Variants in RGS6 observed in about 807,000 individuals in gnomAD.
The protein encoded by RGS6 is regulator of G-protein signaling 6.
A neutral mutation model predicts 78.5 loss-of-function variants in RGS6; 30 were observed. That is an observed-to-expected ratio of 0.38 (90% confidence interval 0.29 to 0.52). The LOEUF (loss-of-function observed/expected upper bound fraction) is 0.52, where lower values mean the gene tolerates loss of function less well. RGS6 is among the 20% of genes least tolerant of loss of function. RGS6 has a pLI of 0.85. For synonymous variants in RGS6, 206 were observed against 206.0 expected (o/e 1.00, Z 0.00); for missense variants, 495 against 609.7 (o/e 0.81, Z 1.98).
intron 1 of RGS6, among the ~76,000 whole-genome samples, chr14:71,955,595 C>A (rs1441433157): frequency 2.0e-5 from 3 of 152,096 alleles, no homozygotes; most frequent in Admixed American, 1.3e-4. Flanking sequence ...GGGTAACTTC[C>A]TGATGTTGCC....
chr14:72,236,888 A>T (rs2051214523), intron 2 of RGS6, among the ~76,000 whole-genome samples: 1 of 152,210 alleles, frequency 6.6e-6, no homozygotes, highest in South Asian at 2.1e-4. Context: ...GCGGCCGGGC[A>T]AAGGTGCTCC....
At chr14:72,000,016 A>T (rs775653396) in intron 2 of RGS6, among the ~76,000 whole-genome samples, 1 of 152,182 alleles carries the variant, frequency 6.6e-6, no homozygotes, top group Non-Finnish European at 1.5e-5. Context: ...GTGACCTTCT[A>T]TGGTGTTAGT....
At chr14:71,969,688 A>G (rs1402624189) in intron 2 of RGS6, among the ~76,000 whole-genome samples, 4 of 152,200 alleles carry the variant, frequency 2.6e-5, no homozygotes, top group African/African-American at 9.6e-5. Context: ...TTCAGTGTCC[A>G]TGTAAAGTAG....
At position 72,119,834 on chromosome 14, in the gene RGS6, T is replaced by C. The variant is rs1407171875; in HGVS notation, c.84+154959T>C. ...ATCCTAATGGGCTTAGGAAGATTTCTAGAAGGATAGGGATTCCAATCTGGT... is the reference window on the plus strand; with the variant it reads ...ATCCTAATGGGCTTAGGAAGATTTCCAGAAGGATAGGGATTCCAATCTGGT... On this transcript the variant is annotated intron_variant, in intron 2 of 17. Coordinates refer to ENST00000553525, the MANE Select transcript of RGS6 (RefSeq NM_001204424.2). Among the ~76,000 whole-genome samples the C allele has an allele frequency of 2.0e-5, 3 of 152,240 alleles. No individual in the cohort carries two copies. The East Asian group carries it at 5.8e-4, about 29-fold the overall frequency.
intron 2 of RGS6, among the ~76,000 whole-genome samples, chr14:72,118,208 A>T (rs945081023): frequency 6.6e-6 from 1 of 151,904 alleles, no homozygotes; most frequent in South Asian, 2.1e-4. Context: ...GGTGAACATC[A>T]GCTTCTCCGT....
chr14:71,871,118 G>C, the RGS6 span, among the ~76,000 whole-genome samples: 427 of 152,294 alleles, frequency 2.8e-3, 5 homozygotes, highest in Admixed American at 1.2e-3. Context: ...CTGAGACCCT[G>C]TTCCCATAGA....
At chr14:72,325,003 G>C (rs968229566) in intron 2 of RGS6, among the ~76,000 whole-genome samples, 5 of 152,086 alleles carry the variant, frequency 3.3e-5, no homozygotes, top group South Asian at 2.1e-4. Context: ...TTCTCCACAT[G>C]CTCTCCAGCA....
intron 2 of RGS6, among the ~76,000 whole-genome samples, chr14:72,263,893 G>C (rs1400075712): frequency 6.6e-6 from 1 of 152,180 alleles, no homozygotes; most frequent in Non-Finnish European, 1.5e-5. Flanking sequence ...GTGAATGTAG[G>C]TGCTCATCTC....
chr14:72,255,400 TA>T, intron 2 of RGS6, among the ~76,000 whole-genome samples: 1 of 152,252 alleles, frequency 6.6e-6, no homozygotes, highest in East Asian at 1.9e-4. Context: ...CAGTATAGAA[TA>T]AAAAATATAT....
chr14:72,039,205 A>G (rs2092105007), intron 2 of RGS6, among the ~76,000 whole-genome samples: 1 of 152,228 alleles, frequency 6.6e-6, no homozygotes, highest in Non-Finnish European at 1.5e-5. Flanking sequence ...AAAAAGAGGA[A>G]GCAGAGGAAA....
intron 2 of RGS6, among the ~76,000 whole-genome samples, chr14:72,203,945 C>T (rs999915865): frequency 6.6e-6 from 1 of 151,856 alleles, no homozygotes; most frequent in Non-Finnish European, 1.5e-5. Context: ...CTGCCTCAGC[C>T]TCCCAAGTAG....
At chr14:72,473,386 G>A (rs940220783) in intron 9 of RGS6, among the ~76,000 whole-genome samples, 1 of 152,210 alleles carries the variant, frequency 6.6e-6, no homozygotes, top group Non-Finnish European at 1.5e-5. Flanking sequence ...GGAGCTTGCA[G>A]TGAGCCGAGA....
chr14:72,391,280 T>C (rs1323147888), intron 3 of RGS6, among the ~76,000 whole-genome samples: 1 of 152,188 alleles, frequency 6.6e-6, no homozygotes, highest in African/African-American at 2.4e-5. Flanking sequence ...CAACACCATA[T>C]TGTGATTGCT....
In RGS6 at chr14:72,166,020, G is replaced by A. The variant is rs944733503; in HGVS notation, c.85-186075G>A. On this transcript the variant is annotated intron_variant, in intron 2 of 17. Transcript: ENST00000553525. The stretch of plus-strand genomic sequence containing the variant: ...ATATCTTAGAGTTAATTGATAATAT[G>A]TATCTGAATGTTGTAAAATTTATCT... Among the ~76,000 whole-genome samples the A allele has an allele frequency of 8.0e-5, 12 of 149,578 alleles. No homozygotes were observed. In the South Asian group the frequency reaches 8.7e-4, roughly 11 times the overall value.
intron 2 of RGS6, among the ~76,000 whole-genome samples, chr14:72,224,568 A>C (rs920255993): frequency 6.6e-6 from 1 of 151,786 alleles, no homozygotes; most frequent in Non-Finnish European, 1.5e-5. Context: ...AGTACTTCTT[A>C]TTATATATAC....
At chr14:72,204,046 A>T (rs1486163078) in intron 2 of RGS6, among the ~76,000 whole-genome samples, 2 of 149,916 alleles carry the variant, frequency 1.3e-5, no homozygotes, top group Non-Finnish European at 3.0e-5. Flanking sequence ...CTGGTCTCAA[A>T]CTCCTGACCT....
At chr14:72,029,122 C>A (rs2090416147) in intron 2 of RGS6, among the ~76,000 whole-genome samples, 1 of 152,212 alleles carries the variant, frequency 6.6e-6, no homozygotes, top group Non-Finnish European at 1.5e-5. Flanking sequence ...CTTGTAAACA[C>A]TATTGAGTGT....
the RGS6 span, among the ~76,000 whole-genome samples, chr14:71,918,441 C>G: frequency 6.6e-6 from 1 of 152,078 alleles, no homozygotes; most frequent in Non-Finnish European, 1.5e-5. Context: ...AAAGATTATC[C>G]AGTGGATTCC....
intron 2 of RGS6, among the ~76,000 whole-genome samples, chr14:72,150,767 A>G (rs560117319): frequency 1.3e-5 from 2 of 152,186 alleles, no homozygotes; most frequent in South Asian, 4.1e-4. Context: ...ACCTCCCACC[A>G]GGCCCTCCTC....
Sources: allele counts gnomAD v4.1 joint callset (sites outside exome capture counted in the v4.1 genomes callset), GRCh38; gene constraint gnomAD v4.1.1; transcripts MANE v1.5; gene names NCBI Gene and HGNC (gene_info 2026-07-23, HGNC 2026-07-21).